Variants in IL37 observed in about 807,000 individuals in gnomAD.
IL37 encodes interleukin 37.
In IL37, 15 loss-of-function variants were observed where a neutral mutation model predicts 15.4. The observed-to-expected ratio is 0.98, with a 90% CI of 0.65 to 1.50. IL37 has a LOEUF of 1.50. Among genes scored for constraint, IL37 ranks in the 40% most tolerant of loss-of-function variants. IL37 has a pLI of 0.00. For missense variants in IL37, 269 were observed against 261.7 expected (o/e 1.03, Z -0.19); for synonymous variants, 98 against 97.4 (o/e 1.01, Z -0.03).
chr2:112,914,464 C>T (rs1345298401), intron 3 of IL37, among the ~76,000 whole-genome samples: 2 of 152,228 alleles, frequency 1.3e-5, no homozygotes, highest in African/African-American at 4.8e-5. Flanking sequence ...CTCCTCTTCT[C>T]AGGACAGAGT....
At chr2:112,916,566 G>T (rs1683315451) in intron 3 of IL37, among the ~76,000 whole-genome samples, 1 of 152,156 alleles carries the variant, frequency 6.6e-6, no homozygotes, top group South Asian at 2.1e-4. Flanking sequence ...GCTCCTGGGG[G>T]CTTCCTGCCT....
chr2:112,915,155 G>T, intron 3 of IL37: 1 of 1,586,976 alleles, frequency 6.3e-7, no homozygotes, highest in African/African-American at 1.3e-5. Flanking sequence ...CACTTAAGAG[G>T]ATAGTGAACT....
chr2:112,915,850 A>T (rs1683299197), intron 3 of IL37, among the ~76,000 whole-genome samples: 1 of 152,170 alleles, frequency 6.6e-6, no homozygotes, highest in Non-Finnish European at 1.5e-5. Context: ...GGTGAGTCAG[A>T]TAGGAAGCCT....
Position 112,917,718 on chromosome 2 carries a change from G to T in IL37, c.349G>T (p.Glu117Ter). 2 of 1,614,004 alleles carry T rather than the reference G, an allele frequency of 1.2e-6. No individual in the cohort carries two copies. The highest frequency in any genetic ancestry group is 1.7e-6 in the Non-Finnish European group (2 of 1,179,922). Reference sequence around the variant, plus strand: ...GATTCTCCTGGGGGTCTCTAAAGGGGAGTTTTGTCTCTACTGTGACAAGGA... The same window carrying T: ...GATTCTCCTGGGGGTCTCTAAAGGGTAGTTTTGTCTCTACTGTGACAAGGA... ...SPILLGVSKGEFCLYCDKDKG... is the reference protein window; with the variant it reads ...SPILLGVSKG Residue 117 changes from glutamate (E) to a stop codon, truncating the protein, a stop_gained, in exon 5 of 6, where the codon GAG becomes TAG. Transcript: ENST00000263326. LOFTEE classifies it high-confidence loss of function.
intron 1 of IL37, among the ~76,000 whole-genome samples, 81 bp downstream of exon 1, chr2:112,911,329 T>C (rs1573309269): frequency 6.6e-6 from 1 of 152,254 alleles, no homozygotes; most frequent in African/African-American, 2.4e-5. Flanking sequence ...TCTAGACCCT[T>C]GCTTTTTATC....
At chr2:112,918,502 G>C (rs1683374750) in intron 5 of IL37, 59 bp from the exon 6 acceptor site, 2 of 1,546,360 alleles carry the variant, frequency 1.3e-6, no homozygotes, top group South Asian at 2.4e-5. Context: ...GAGCACATGT[G>C]CTGTGTTTTC....
At chr2:112,917,577 C>G (rs1224922640) in intron 4 of IL37, 58 bp from the exon 5 acceptor site, 3 of 1,503,134 alleles carry the variant, frequency 2.0e-6, no homozygotes, top group Non-Finnish European at 1.8e-6. Context: ...CCCCAGCAGA[C>G]AGGAGAGACC....
At chr2:112,911,621 G>A (rs28947185) in intron 1 of IL37, among the ~76,000 whole-genome samples, 3,321 of 152,296 alleles carry the variant, frequency 0.022, 136 homozygotes, top group East Asian at 0.13. Context: ...ATGGCCAGAT[G>A]CACTGCTTCT....
At chr2:112,917,386 T>C (rs1033555033) in intron 4 of IL37, 138 bp downstream of exon 4, 1 of 1,030,856 alleles carries the variant, frequency 9.7e-7, no homozygotes, top group African/African-American at 1.6e-5. Context: ...CCCCAGGGAC[T>C]AGGGCATCAG....
chr2:112,912,351 C>G (rs1038803736), intron 1 of IL37, among the ~76,000 whole-genome samples: 1 of 152,072 alleles, frequency 6.6e-6, no homozygotes, highest in Non-Finnish European at 1.5e-5. Context: ...TCAATCCTAC[C>G]CTAAGATATT....
chr2:112,914,967 A>G (rs1193276881), intron 3 of IL37, among the ~76,000 whole-genome samples: 7 of 152,190 alleles, frequency 4.6e-5, no homozygotes, highest in Admixed American at 2.0e-4. Context: ...TGAAAGTCTG[A>G]GAGCTACTGC....
chr2:112,915,114 A>G (rs960474677), intron 3 of IL37: 2 of 1,382,666 alleles, frequency 1.4e-6, no homozygotes, highest in African/African-American at 1.4e-5. Flanking sequence ...CTTGAGAAAG[A>G]TTTGGGGTCA....
intron 5 of IL37, 127 bp from the exon 6 acceptor site, chr2:112,918,433 TC>T: frequency 9.3e-7 from 1 of 1,077,974 alleles, no homozygotes; most frequent in Non-Finnish European, 1.3e-6. Context: ...ACGTCATCTT[TC>T]CCAAGGACCA....
intron 3 of IL37, 32 bp downstream of exon 3, chr2:112,913,886 C>A: frequency 6.3e-7 from 1 of 1,577,478 alleles, no homozygotes; most frequent in Non-Finnish European, 8.7e-7. Flanking sequence ...ATGGGGGTGG[C>A]TGAGGTGCGA....
intron 3 of IL37, among the ~76,000 whole-genome samples, chr2:112,915,505 A>G (rs913455000): frequency 6.6e-6 from 1 of 152,216 alleles, no homozygotes; most frequent in Admixed American, 6.5e-5. Context: ...TCAGAAAGAC[A>G]GAGGCTTGGC....
At chr2:112,911,912 G>T (rs1017274513) in intron 1 of IL37, among the ~76,000 whole-genome samples, 2 of 152,094 alleles carry the variant, frequency 1.3e-5, no homozygotes, top group East Asian at 3.9e-4. Flanking sequence ...TGTATTCAGG[G>T]ATACTGCCAA....
intron 3 of IL37, among the ~76,000 whole-genome samples, chr2:112,916,549 G>A (rs531928349): frequency 6.8e-4 from 103 of 152,216 alleles, no homozygotes; most frequent in African/African-American, 2.4e-3. Flanking sequence ...GCCTTGCACC[G>A]TGCTGGGCTC....
intron 3 of IL37, 57 bp downstream of exon 3, chr2:112,913,911 G>A: frequency 1.4e-6 from 2 of 1,392,320 alleles, no homozygotes; most frequent in Non-Finnish European, 2.0e-6. Context: ...GGGGATGGGG[G>A]ATGGAGCCAT....
intron 3 of IL37, among the ~76,000 whole-genome samples, chr2:112,915,604 C>T (rs1683290899): frequency 6.6e-6 from 1 of 152,210 alleles, no homozygotes. Flanking sequence ...TCAGCTAGCT[C>T]GGTGACTCTC....
Sources: gnomAD v4.1 joint callset for allele counts (sites outside exome capture counted in the v4.1 genomes callset) on GRCh38, gnomAD v4.1.1 for gene constraint, MANE v1.5 for transcripts, NCBI Gene and HGNC (gene_info 2026-07-23, HGNC 2026-07-21) for gene names.